Variants in CRADD observed in about 807,000 individuals in gnomAD.
The protein encoded by CRADD is CARD and death domain containing adaptor protein.
In CRADD, 9 loss-of-function variants were observed where a neutral mutation model predicts 15.5. The observed-to-expected ratio is 0.58, with a 90% confidence interval of 0.35 to 1.01. CRADD has a LOEUF of 1.01. CRADD is among the 50% of genes least tolerant of loss of function. The pLI is 0.02. For missense variants in CRADD, 227 were observed against 250.3 expected (o/e 0.91, Z 0.63); for synonymous variants, 118 against 107.6 (o/e 1.10, Z -0.60).
chr12:93,875,971 G>A (rs907029766), intron 2 of CRADD, among the ~76,000 whole-genome samples: 1 of 152,016 alleles, frequency 6.6e-6, no homozygotes, highest in African/African-American at 2.4e-5. Context: ...ATTCCCTTTA[G>A]CATTTCTTAT....
chr12:93,821,405 G>T (rs1184500793), intron 2 of CRADD, among the ~76,000 whole-genome samples: 1 of 152,162 alleles, frequency 6.6e-6, no homozygotes, highest in African/African-American at 2.4e-5. Context: ...CGGTCTCTAG[G>T]TCATGTACTG....
intron 2 of CRADD, among the ~76,000 whole-genome samples, chr12:93,889,313 G>A (rs1958559728): frequency 6.6e-6 from 1 of 152,002 alleles, no homozygotes; most frequent in Non-Finnish European, 1.5e-5. Flanking sequence ...TTTTATATAG[G>A]ACCAAGTTCA....
chr12:93,783,233 ATT>A (rs1486466712), intron 2 of CRADD, among the ~76,000 whole-genome samples: 1 of 63,046 alleles, frequency 1.6e-5, no homozygotes, highest in Non-Finnish European at 3.2e-5. Flanking sequence ...TATAGGTATT[ATT>A]ATTATTATTA....
At chr12:93,854,599 G>A (rs377677598), downstream of CRADD, among the ~76,000 whole-genome samples, 10 of 152,250 alleles carry the variant, frequency 6.6e-5, no homozygotes, top group African/African-American at 1.7e-4. Flanking sequence ...AGATTTCTGG[G>A]CCCTATTGAA....
At chr12:93,713,678 G>T (rs748932901) in intron 2 of CRADD, among the ~76,000 whole-genome samples, 1 of 151,766 alleles carries the variant, frequency 6.6e-6, no homozygotes, top group Non-Finnish European at 1.5e-5. Context: ...TCAATTCAAG[G>T]TTGGCTGAAT....
exon 3 of CRADD, chr12:93,894,436 C>G (rs1958598307): frequency 3.5e-6 from 1 of 285,958 alleles, no homozygotes; most frequent in South Asian, 6.0e-5. Context: ...CAGTCCAGAG[C>G]AATTGCAACC....
At chr12:93,872,215 G>A (rs2137067085) in intron 2 of CRADD, among the ~76,000 whole-genome samples, 1 of 152,276 alleles carries the variant, frequency 6.6e-6, no homozygotes, top group African/African-American at 2.4e-5. Context: ...GTTTTCTGTT[G>A]AGAAATGTCT....
At chr12:93,693,311 A>G (rs1955617680) in intron 2 of CRADD, among the ~76,000 whole-genome samples, 1 of 152,134 alleles carries the variant, frequency 6.6e-6, no homozygotes, top group Non-Finnish European at 1.5e-5. Context: ...GGGTTTTATA[A>G]AAAGCACAAG....
chr12:93,832,826 G>A (rs184098563), intron 2 of CRADD, among the ~76,000 whole-genome samples: 1 of 152,306 alleles, frequency 6.6e-6, no homozygotes, highest in Admixed American at 6.5e-5. Flanking sequence ...CTATATAAAG[G>A]AATCTTAAAT....
intron 2 of CRADD, among the ~76,000 whole-genome samples, chr12:93,866,254 T>C (rs1958366545): frequency 6.6e-6 from 1 of 152,162 alleles, no homozygotes; most frequent in Non-Finnish European, 1.5e-5. Context: ...TTTCTATGAC[T>C]CATAGTGTTT....
At chr12:93,716,431 A>G (rs1193628552) in intron 2 of CRADD, among the ~76,000 whole-genome samples, 1 of 152,154 alleles carries the variant, frequency 6.6e-6, no homozygotes, top group African/African-American at 2.4e-5. Context: ...GATATTGTAC[A>G]TCCTATGGGT....
intron 2 of CRADD, among the ~76,000 whole-genome samples, chr12:93,788,500 C>A (rs1261608842): frequency 6.6e-6 from 1 of 152,170 alleles, no homozygotes; most frequent in East Asian, 1.9e-4. Context: ...TGGTGGCTCT[C>A]AGAGCACCTC....
chr12:93,757,946 G>A (rs1174297137), intron 2 of CRADD, among the ~76,000 whole-genome samples: 1 of 152,216 alleles, frequency 6.6e-6, no homozygotes, highest in Non-Finnish European at 1.5e-5. Context: ...GGTGGCAGTG[G>A]TGCAGATAGA....
At chr12:93,787,828 G>C (rs1351503501) in intron 2 of CRADD, among the ~76,000 whole-genome samples, 2 of 152,160 alleles carry the variant, frequency 1.3e-5, no homozygotes, top group African/African-American at 4.8e-5. Flanking sequence ...GGAGTCCACT[G>C]TATGGCAGGC....
chr12:93,693,852 A>G (rs1592891751), intron 2 of CRADD, among the ~76,000 whole-genome samples: 1 of 152,090 alleles, frequency 6.6e-6, no homozygotes. Flanking sequence ...AAATTCTCCC[A>G]TTAATGAAAA....
intron 2 of CRADD, among the ~76,000 whole-genome samples, chr12:93,829,387 G>A (rs1726642661): frequency 6.6e-6 from 1 of 152,158 alleles, no homozygotes; most frequent in South Asian, 2.1e-4. Context: ...GCAAGTTCCT[G>A]GACCCGGGAG....
At chr12:93,691,844 G>A (rs1955580872) in intron 2 of CRADD, among the ~76,000 whole-genome samples, 2 of 152,016 alleles carry the variant, frequency 1.3e-5, no homozygotes, top group Non-Finnish European at 2.9e-5. Context: ...AGTCAGAAAA[G>A]TAATAAATGA....
At chr12:93,791,068 A>G (rs901616482) in intron 2 of CRADD, among the ~76,000 whole-genome samples, 2 of 152,114 alleles carry the variant, frequency 1.3e-5, no homozygotes, top group Admixed American at 6.6e-5. Flanking sequence ...TTAAAATACT[A>G]TATTATGTAA....
At chr12:93,748,527 G>C (rs1228663522) in intron 2 of CRADD, among the ~76,000 whole-genome samples, 3 of 152,130 alleles carry the variant, frequency 2.0e-5, no homozygotes, top group Admixed American at 6.5e-5. Flanking sequence ...GGCTGGTCTC[G>C]AACTCCCAAC....
Sources: gnomAD v4.1 joint callset for allele counts (sites outside exome capture counted in the v4.1 genomes callset) on GRCh38, gnomAD v4.1.1 for gene constraint, MANE v1.5 for transcripts, NCBI Gene and HGNC (gene_info 2026-07-23, HGNC 2026-07-21) for gene names.